The following ADGRL3 variants were observed in gnomAD, a reference collection of about 807,000 sequenced individuals.
ADGRL3 encodes adhesion G protein-coupled receptor L3, also known as calcium-independent alpha-latrotoxin receptor 3.
In ADGRL3, 62 loss-of-function variants were observed where a neutral mutation model predicts 153.5. That is an observed-to-expected ratio of 0.40 (90% CI 0.33 to 0.50). The LOEUF (loss-of-function observed/expected upper bound fraction) is 0.50. Ranked by LOEUF, ADGRL3 falls within the 20% of genes least tolerant of loss-of-function variation. The pLI, the probability that ADGRL3 is intolerant of heterozygous loss-of-function variation, is 0.47. For synonymous variants in ADGRL3, 710 were observed against 672.5 expected, an observed-to-expected ratio of 1.06 and a Z score of -0.86; for missense variants, 1,641 against 1,859.4, an observed-to-expected ratio of 0.88 and a Z score of 2.16.
At chr4:61,541,649 T>TGCC (rs2098690684) in intron 4 of ADGRL3, among the ~76,000 whole-genome samples, 1 of 152,112 alleles carries the variant, frequency 6.6e-6, no homozygotes, top group South Asian at 2.1e-4. Context: ...CTTGGTTACC[T>TGCC]GGACAGCAAT....
At chr4:62,004,406 G>C (rs1247231436) in intron 21 of ADGRL3, among the ~76,000 whole-genome samples, 1 of 151,916 alleles carries the variant, frequency 6.6e-6, no homozygotes, top group Non-Finnish European at 1.5e-5. Flanking sequence ...TTGCAGAGTT[G>C]TCTGGATGAG....
chr4:61,785,622 T>C (rs537359549), intron 8 of ADGRL3, among the ~76,000 whole-genome samples: 2 of 152,166 alleles, frequency 1.3e-5, no homozygotes, highest in Non-Finnish European at 2.9e-5. Context: ...TTCCACAGAT[T>C]ATCTGAATAA....
chr4:61,530,177 A>T (rs187643273), intron 4 of ADGRL3, among the ~76,000 whole-genome samples: 2 of 152,290 alleles, frequency 1.3e-5, no homozygotes, highest in African/African-American at 2.4e-5. Context: ...ACAGAGAGAA[A>T]ATTGCATAAG....
intron 17 of ADGRL3, among the ~76,000 whole-genome samples, chr4:61,954,290 C>G (rs1035091655): frequency 1.3e-5 from 2 of 152,010 alleles, no homozygotes; most frequent in Admixed American, 6.6e-5. Flanking sequence ...CCTGCCAGAT[C>G]CAGAATTTGA....
chr4:61,704,955 A>G (rs967830494), intron 6 of ADGRL3, among the ~76,000 whole-genome samples: 6 of 152,192 alleles, frequency 3.9e-5, no homozygotes, highest in South Asian at 4.1e-4. Context: ...TATTTGCACA[A>G]TATCTGCACT....
intron 17 of ADGRL3, among the ~76,000 whole-genome samples, chr4:61,977,472 TC>T (rs1487026548): frequency 6.6e-6 from 1 of 152,140 alleles, no homozygotes; most frequent in Non-Finnish European, 1.5e-5. Context: ...TTTGGTAGCA[TC>T]CCCCGGAGAA....
Position 61,353,600 on chromosome 4 carries a change from ATTTTTTTTTT to A in ADGRL3, c.-239-29512_-239-29503del, listed in dbSNP as rs34199193. Among the ~76,000 whole-genome samples the A allele has an allele frequency of 2.5e-4, 30 of 118,836 alleles. No homozygotes were observed. The East Asian group carries it at 5.6e-3, about 22-fold the overall frequency. 78.0% of individuals were successfully genotyped at this position (118,836 alleles called of 152,430 possible). ...CACACCTGGCTAATTTTTTCTTTCA[ATTTTTTTTTT>A]TTTTTTTTTTTGTAGAAACGAGGTC... is the stretch of plus-strand genomic sequence containing the variant. On this transcript the variant is annotated intron_variant, in intron 1 of 26. Transcript: ENST00000683033.
intron 17 of ADGRL3, 41 bp from the exon 18 acceptor site, chr4:61,979,522 A>G (rs2099060117): frequency 4.5e-6 from 7 of 1,553,990 alleles, no homozygotes; most frequent in African/African-American, 2.7e-5. Flanking sequence ...GTAATTGGTT[A>G]TGCATAAGCG....
chr4:61,712,881 A>G (rs1451833157), intron 6 of ADGRL3, among the ~76,000 whole-genome samples: 2 of 152,160 alleles, frequency 1.3e-5, no homozygotes, highest in East Asian at 3.9e-4. Flanking sequence ...CTGCATTGAA[A>G]TGTATTGTTT....
chr4:61,625,511 C>T (rs925158450), intron 5 of ADGRL3, among the ~76,000 whole-genome samples: 15 of 152,118 alleles, frequency 9.9e-5, no homozygotes, highest in Admixed American at 3.9e-4. Flanking sequence ...CACATACATT[C>T]GTTACGTTGC....
intron 7 of ADGRL3, 103 bp downstream of exon 7, chr4:61,730,739 T>G: frequency 3.4e-6 from 1 of 295,014 alleles, no homozygotes; most frequent in Non-Finnish European, 6.5e-6. Flanking sequence ...TTATCTATTT[T>G]ATGAAAATTT....
At chr4:61,762,081 C>G (rs2096919641) in intron 8 of ADGRL3, among the ~76,000 whole-genome samples, 1 of 152,118 alleles carries the variant, frequency 6.6e-6, no homozygotes, top group Non-Finnish European at 1.5e-5. Context: ...AGAGAAGAAT[C>G]TGAGTAAAAC....
intron 17 of ADGRL3, among the ~76,000 whole-genome samples, chr4:61,965,433 A>G (rs768190912): frequency 7.9e-5 from 12 of 152,196 alleles, no homozygotes; most frequent in Non-Finnish European, 1.8e-4. Context: ...GACAATAATG[A>G]CAAATTGTAT....
chr4:61,340,211 G>A (rs113641923), intron 1 of ADGRL3, among the ~76,000 whole-genome samples: 1,727 of 152,188 alleles, frequency 0.011, 29 homozygotes, highest in African/African-American at 0.039. Context: ...TGCTTTACCC[G>A]CATCTGACTG....
At chr4:61,899,094 T>C (rs1435408790) in intron 11 of ADGRL3, among the ~76,000 whole-genome samples, 1 of 152,186 alleles carries the variant, frequency 6.6e-6, no homozygotes, top group Admixed American at 6.5e-5. Flanking sequence ...CTTGCCTTTC[T>C]ACCTCTGCAG....
intron 4 of ADGRL3, among the ~76,000 whole-genome samples, chr4:61,535,495 A>G (rs949551386): frequency 5.9e-5 from 9 of 152,074 alleles, no homozygotes; most frequent in Non-Finnish European, 2.9e-5. Flanking sequence ...TCTTTGGATT[A>G]GTTTCATTAA....
chr4:61,554,859 G>A (rs1230003895), intron 4 of ADGRL3, among the ~76,000 whole-genome samples: 1 of 152,146 alleles, frequency 6.6e-6, no homozygotes, highest in African/African-American at 2.4e-5. Context: ...AAACCCCAAA[G>A]AGGGACTTAG....
intron 4 of ADGRL3, among the ~76,000 whole-genome samples, chr4:61,532,553 C>CGTGT (rs1344839723): frequency 0.044 from 5,732 of 131,224 alleles, 217 homozygotes; most frequent in African/African-American, 0.088. Context: ...CGCGCGCGCG[C>CGTGT]GCGTGTGTGT....
chr4:61,679,289 C>T (rs1449975276), intron 6 of ADGRL3, among the ~76,000 whole-genome samples: 1 of 151,900 alleles, frequency 6.6e-6, no homozygotes, highest in Non-Finnish European at 1.5e-5. Context: ...GGATCTGCCC[C>T]CATGACACAA....
Sources: gnomAD v4.1 joint callset for allele counts (sites outside exome capture counted in the v4.1 genomes callset) on GRCh38, gnomAD v4.1.1 for gene constraint, MANE v1.5 for transcripts, NCBI Gene and HGNC (gene_info 2026-07-23, HGNC 2026-07-21) for gene names.